USP34: variants seen among roughly 807,000 people sequenced by gnomAD.
USP34 encodes ubiquitin specific peptidase 34, also known as ubiquitin carboxyl-terminal hydrolase 34.
Under a neutral mutation model 460.3 loss-of-function variants are expected in USP34, and 70 were observed. The ratio of observed to expected loss-of-function variants is 0.15; its 90% CI spans 0.13 to 0.19. The LOEUF (loss-of-function observed/expected upper bound fraction) is 0.19. USP34 is among the 10% of genes least tolerant of loss of function. USP34 has a pLI of 1.00. For synonymous variants in USP34, 1,647 were observed against 1,405.3 expected (o/e 1.17, Z -3.85); for missense variants, 3,985 against 4,236.2 (o/e 0.94, Z 1.65).
At chr2:61,408,086 G>C (rs1335356183) in intron 2 of USP34, among the ~76,000 whole-genome samples, 2 of 152,114 alleles carry the variant, frequency 1.3e-5, no homozygotes, top group Non-Finnish European at 2.9e-5. Flanking sequence ...CTGCACTGCA[G>C]CCTGGGTGAC....
chr2:61,328,612 T>C (rs181138092), intron 20 of USP34, among the ~76,000 whole-genome samples: 38 of 152,278 alleles, frequency 2.5e-4, no homozygotes, highest in East Asian at 5.8e-4. Flanking sequence ...ACAAGGCAGA[T>C]TGAAAGGTTG....
At chr2:61,256,220 T>C (rs1304141325) in intron 48 of USP34, among the ~76,000 whole-genome samples, 164 bp downstream of exon 48, 3 of 152,212 alleles carry the variant, frequency 2.0e-5, no homozygotes, top group African/African-American at 7.2e-5. Flanking sequence ...TAAATGGTAA[T>C]TCACTGAACA....
intron 34 of USP34, among the ~76,000 whole-genome samples, chr2:61,288,070 G>C (rs371760915): frequency 6.6e-6 from 1 of 152,156 alleles, no homozygotes; most frequent in Admixed American, 6.5e-5. Flanking sequence ...CTAGAAGACA[G>C]AGTTTGTTTC....
chr2:61,206,153 G>T (rs1572834640), intron 71 of USP34, 29 bp from the exon 72 acceptor site: 3 of 1,568,480 alleles, frequency 1.9e-6, no homozygotes, highest in East Asian at 4.5e-5. Context: ...ATATAAATAT[G>T]CCATCTGAGA....
chr2:61,233,192 A>G (rs1403244216), intron 57 of USP34, among the ~76,000 whole-genome samples: 1 of 152,118 alleles, frequency 6.6e-6, no homozygotes, highest in South Asian at 2.1e-4. Flanking sequence ...GAGCATGATT[A>G]ATTTTCTTTC....
In USP34 at chr2:61,206,134, T is replaced by A. The variant is rs1246012985; in HGVS notation, c.9047-10A>T. On this transcript the variant is annotated splice_polypyrimidine_tract_variant and intron_variant, in intron 71 of 79. Coordinates refer to ENST00000398571, the MANE Select transcript of USP34 (RefSeq NM_014709.4). ...AATGCTTGTTTCACATCTGCAAATA[T>A]AAAAGCACATATAAATATGCCATCT... is the stretch of plus-strand genomic sequence containing the variant. The A allele has an allele frequency of 6.2e-7, 1 of 1,607,578 alleles. No homozygotes were observed. Among genetic ancestry groups the A allele is most frequent in the African/African-American group, 1.3e-5 (1 of 74,780 alleles).
chr2:61,338,280 G>A (rs564931007), intron 18 of USP34, among the ~76,000 whole-genome samples: 8 of 152,092 alleles, frequency 5.3e-5, no homozygotes, highest in Non-Finnish European at 4.4e-5. Flanking sequence ...AAGATCACAC[G>A]ACTGGACTCC....
chr2:61,271,220 C>T (rs1278644431), intron 41 of USP34, among the ~76,000 whole-genome samples: 2 of 152,174 alleles, frequency 1.3e-5, no homozygotes, highest in Admixed American at 6.5e-5. Flanking sequence ...AGGGGAATCG[C>T]TGGAACCTGG....
At chr2:61,370,726 C>T (rs1692595722) in intron 8 of USP34, 147 bp from the exon 9 acceptor site, 2 of 660,276 alleles carry the variant, frequency 3.0e-6, no homozygotes, top group Non-Finnish European at 5.2e-6. Flanking sequence ...TACTACAAAG[C>T]ATAACTAGAA....
intron 1 of USP34, among the ~76,000 whole-genome samples, chr2:61,456,797 C>A (rs1034444495): frequency 6.7e-6 from 1 of 150,012 alleles, no homozygotes; most frequent in African/African-American, 2.5e-5. Flanking sequence ...AATTTACTAA[C>A]AGAGTAAAAA....
chr2:61,373,411 A>G (rs1692691917), intron 8 of USP34, among the ~76,000 whole-genome samples: 1 of 151,928 alleles, frequency 6.6e-6, no homozygotes, highest in African/African-American at 2.4e-5. Context: ...CCCAAGACAT[A>G]CTTTAGCTTC....
chr2:61,395,030 A>T, intron 4 of USP34, 28 bp from the exon 5 acceptor site: 1 of 1,558,416 alleles, frequency 6.4e-7, no homozygotes, highest in Non-Finnish European at 8.6e-7. Context: ...ACATGTCATT[A>T]TTTGAAAACG....
intron 10 of USP34, among the ~76,000 whole-genome samples, chr2:61,353,580 T>C (rs1199071070): frequency 6.6e-6 from 1 of 151,660 alleles, no homozygotes; most frequent in South Asian, 2.1e-4. Context: ...TTTTTGTTTT[T>C]TTTGTTTAGT....
At chr2:61,300,287 C>G (rs1159881576) in intron 29 of USP34, among the ~76,000 whole-genome samples, 1 of 152,036 alleles carries the variant, frequency 6.6e-6, no homozygotes, top group Non-Finnish European at 1.5e-5. Flanking sequence ...TTTCATTCCT[C>G]CCATTCTACT....
At chr2:61,331,441 T>TA (rs1356961070) in intron 19 of USP34, 70 bp from the exon 20 acceptor site, 17 of 1,229,418 alleles carry the variant, frequency 1.4e-5, no homozygotes, top group Non-Finnish European at 1.6e-5. Context: ...GCTATGACAG[T>TA]AAATATGCAA....
chr2:61,409,965 A>T (rs1008294659), intron 2 of USP34, among the ~76,000 whole-genome samples: 1 of 152,162 alleles, frequency 6.6e-6, no homozygotes, highest in Non-Finnish European at 1.5e-5. Context: ...AATACTTTTT[A>T]TTCTATTACA....
intron 27 of USP34, among the ~76,000 whole-genome samples, chr2:61,308,372 T>G (rs1690479303): frequency 6.6e-6 from 1 of 151,990 alleles, no homozygotes; most frequent in Non-Finnish European, 1.5e-5. Context: ...AGCATGACAG[T>G]AGAAATGAAA....
chr2:61,221,002 C>T (rs1687566527), intron 66 of USP34, among the ~76,000 whole-genome samples: 1 of 152,158 alleles, frequency 6.6e-6, no homozygotes, highest in Non-Finnish European at 1.5e-5. Flanking sequence ...TCCATGATTG[C>T]TCATATGCTA....
chr2:61,450,654 C>T (rs1695244212), intron 1 of USP34, among the ~76,000 whole-genome samples: 1 of 151,662 alleles, frequency 6.6e-6, no homozygotes, highest in African/African-American at 2.4e-5. Flanking sequence ...TGCAAATATA[C>T]CATTTTAATT....
Sources: allele counts gnomAD v4.1 joint callset (sites outside exome capture counted in the v4.1 genomes callset), GRCh38; gene constraint gnomAD v4.1.1; transcripts MANE v1.5; gene names NCBI Gene and HGNC (gene_info 2026-07-23, HGNC 2026-07-21).